Variants in POLA2 observed in about 807,000 individuals in gnomAD.
POLA2 encodes DNA polymerase alpha subunit B.
Under a neutral mutation model 82.8 loss-of-function variants are expected in POLA2, and 47 were observed. The ratio of observed to expected loss-of-function variants is 0.57; its 90% CI spans 0.45 to 0.72. The LOEUF (loss-of-function observed/expected upper bound fraction) is 0.72. POLA2 is among the 30% of genes least tolerant of loss of function. The pLI is 0.00. For synonymous variants in POLA2, 287 were observed against 286.8 expected (o/e 1.00, Z -0.01); for missense variants, 634 against 728.1 (o/e 0.87, Z 1.49).
chr11:65,296,948 C>CAAA (rs547282942), intron 17 of POLA2, among the ~76,000 whole-genome samples, 172 bp from the exon 18 acceptor site: 2 of 58,036 alleles, frequency 3.4e-5, no homozygotes, highest in African/African-American at 5.7e-5. Flanking sequence ...GACTCCATCT[C>CAAA]AAAAAAAAAA....
chr11:65,274,321 C>G (rs1565473586), intron 4 of POLA2, among the ~76,000 whole-genome samples: 1 of 151,116 alleles, frequency 6.6e-6, no homozygotes, highest in African/African-American at 2.4e-5. Context: ...GAGCCGAGAT[C>G]GCACATCGCA....
intron 1 of POLA2, among the ~76,000 whole-genome samples, chr11:65,265,333 A>G (rs1949447871): frequency 6.6e-6 from 1 of 152,150 alleles, no homozygotes; most frequent in Non-Finnish European, 1.5e-5. Context: ...GCTCTACTCA[A>G]GGTCACCAGT....
At chr11:65,305,508 T>A (rs750833287) in exon 9 of POLA2, 19 of 414,416 alleles carry the variant, frequency 4.6e-5, no homozygotes, top group South Asian at 2.6e-4. Flanking sequence ...CTGACAGAGC[T>A]GACAAAATGA....
chr11:65,304,073 A>G (rs1378459371), intron 8 of POLA2, among the ~76,000 whole-genome samples: 1 of 152,132 alleles, frequency 6.6e-6, no homozygotes, highest in East Asian at 1.9e-4. Flanking sequence ...TGCTGCACAG[A>G]GGAGGGGTCA....
chr11:65,297,462 C>G lies in POLA2; in HGVS notation c.*193C>G, dbSNP rs1458130722. 2 of 509,840 alleles carry G rather than the reference C, an allele frequency of 3.9e-6. No homozygotes were observed. Among genetic ancestry groups the G allele is most frequent in the East Asian group, 6.9e-5 (2 of 28,916 alleles). The allele number at this position is 509,840 out of a possible 1,614,324, so 31.6% of individuals were successfully genotyped here. A position where few individuals can be genotyped will look rare whatever the true frequency, so the allele number is the denominator to read the frequency against. On this transcript the variant is annotated 3_prime_UTR_variant, in exon 18 of 18. Coordinates refer to ENST00000265465, the MANE Select transcript of POLA2 (RefSeq NM_002689.4). ...GGGCCTGCCTCTGAGTGGTGCCTCTCCTGGAAGGAAGCTCTTGCTTCTCAG... is the reference window on the plus strand; with the variant it reads ...GGGCCTGCCTCTGAGTGGTGCCTCTGCTGGAAGGAAGCTCTTGCTTCTCAG...
At chr11:65,293,819 C>A (rs1949780594) in intron 13 of POLA2, among the ~76,000 whole-genome samples, 1 of 152,132 alleles carries the variant, frequency 6.6e-6, no homozygotes, top group African/African-American at 2.4e-5. Context: ...ACATCCTTGT[C>A]TTTCTAGACT....
At chr11:65,299,983 T>C (rs114220821), downstream of POLA2, among the ~76,000 whole-genome samples, 1,561 of 152,032 alleles carry the variant, frequency 0.01, 21 homozygotes, top group African/African-American at 0.035. Flanking sequence ...TGAGCCACCA[T>C]GCCCATTTTA....
In POLA2 at chr11:65,273,945, GC is replaced by G. The variant is rs1949548721; in HGVS notation, c.355-1945del. 2.6e-5 allele frequency among the ~76,000 whole-genome samples: 4 copies of G among 152,172 alleles called. No individual in the cohort carries two copies. The South Asian group carries it at 8.3e-4, about 32-fold the overall frequency. On this transcript the variant is annotated intron_variant, in intron 4 of 17. Coordinates refer to ENST00000265465, the MANE Select transcript of POLA2 (RefSeq NM_002689.4). The stretch of plus-strand genomic sequence containing the variant: ...TTTTTTTAATTTAAAATCTTAATTT[GC>G]CAAATCACTTTTCACCTGAGACTCA...
Position 65,276,007 on chromosome 11 carries a change from C to G in POLA2, c.461+9C>G. The G allele has an allele frequency of 6.5e-7, 1 of 1,533,890 alleles. No individual in the cohort carries two copies. Among genetic ancestry groups the G allele is most frequent in the Non-Finnish European group, 8.9e-7 (1 of 1,120,574 alleles). On this transcript the variant is annotated intron_variant, in intron 5 of 17. Transcript: ENST00000265465. ...TCAAGTTTCTCTCCAAGGTATGGAT[C>G]ATAATTCATTCAAGTGCCATAAAGC...
downstream of POLA2, among the ~76,000 whole-genome samples, chr11:65,301,233 G>T (rs548264212): frequency 6.6e-6 from 1 of 152,124 alleles, no homozygotes; most frequent in Admixed American, 6.6e-5. Context: ...TGATGGGCCC[G>T]GAATGGTGCT....
At chr11:65,288,887 C>T (rs371732347) in intron 11 of POLA2, among the ~76,000 whole-genome samples, 163 bp from the exon 12 acceptor site, 12 of 152,218 alleles carry the variant, frequency 7.9e-5, no homozygotes, top group East Asian at 1.9e-4. Context: ...ATTGGCTTGG[C>T]GCCCCGCCAG....
intron 17 of POLA2, chr11:65,296,575 T>G (rs1332752749): frequency 6.3e-6 from 1 of 158,876 alleles, no homozygotes; most frequent in Non-Finnish European, 1.4e-5. Flanking sequence ...AGGAGCTGAT[T>G]GTCATTCTGC....
chr11:65,262,239 G>T lies in POLA2; in HGVS notation c.-54G>T. The T allele has an allele frequency of 1.4e-6, 2 of 1,460,284 alleles. No homozygotes were observed. Among genetic ancestry groups the T allele is most frequent in the East Asian group, 2.3e-5 (1 of 42,734 alleles). 90.5% of individuals were successfully genotyped at this position (1,460,284 alleles called of 1,614,324 possible). On this transcript the variant is annotated 5_prime_UTR_variant, in exon 1 of 18. Coordinates refer to ENST00000265465, the MANE Select transcript of POLA2 (RefSeq NM_002689.4). ...CGCTCGCCACCCCCGTGGGCTTCTT[G>T]GGCGCAGGTCGGAGCTGGGTGGGCC...
At chr11:65,280,138 A>G (rs1231056884) in intron 7 of POLA2, 1 of 152,768 alleles carries the variant, frequency 6.5e-6, no homozygotes, top group South Asian at 2.1e-4. Context: ...AATATATTCT[A>G]GAAGTTTCTT....
At chr11:65,269,714 T>C (rs993053065) in intron 4 of POLA2, among the ~76,000 whole-genome samples, 1 of 152,238 alleles carries the variant, frequency 6.6e-6, no homozygotes, top group East Asian at 1.9e-4. Context: ...TAAATAAGTT[T>C]GTAGACATTC....
In POLA2 at chr11:65,298,370, G is replaced by A. The variant is rs984481552; in HGVS notation, c.*1101G>A. On this transcript the variant is annotated 3_prime_UTR_variant, in exon 18 of 18. Transcript: ENST00000265465. ...ACTCAGACAGGGTCAGGCCTTCCAG[G>A]GTTCACAGCACGTCCCATGCCCCTA... 1 of 152,326 alleles carries A rather than the reference G, an allele frequency of 6.6e-6. No individual in the cohort carries two copies. The highest frequency in any genetic ancestry group is 2.4e-5 in the African/African-American group (1 of 41,468). 9.4% of individuals were successfully genotyped at this position (152,326 alleles called of 1,614,324 possible).
chr11:65,266,602 T>G lies in POLA2; in HGVS notation c.100T>G (p.Tyr34Asp). The change falls in exon 2 of 18, where the codon TAT (tyrosine) becomes GAT (aspartate). Residue 34 changes from tyrosine to aspartate, a missense_variant. Tyr to Asp is a radical substitution (Grantham distance 160). Coordinates refer to ENST00000265465, the MANE Select transcript of POLA2 (RefSeq NM_002689.4). Reference sequence around the variant, plus strand: ...TACAGTGGTAGAGCTTTGTGTTCAGTATGGACAGAATGAGGAGGGAATGGT... The same window carrying G: ...TACAGTGGTAGAGCTTTGTGTTCAGGATGGACAGAATGAGGAGGGAATGGT... Reference protein sequence around the residue: ...IEKLVELCVQYGQNEEGMVGE... With the variant: ...IEKLVELCVQDGQNEEGMVGE... The G allele has an allele frequency of 6.2e-7, 1 of 1,614,122 alleles. No homozygotes were observed. The highest frequency in any genetic ancestry group is 8.5e-7 in the Non-Finnish European group (1 of 1,179,944).
chr11:65,295,450 C>A, intron 15 of POLA2, 90 bp from the exon 16 acceptor site: 1 of 1,168,768 alleles, frequency 8.6e-7, no homozygotes. Flanking sequence ...CATTTACCTT[C>A]TCTCTGGTTT....
At chr11:65,270,306 A>T (rs1330386277) in intron 4 of POLA2, among the ~76,000 whole-genome samples, 2 of 152,184 alleles carry the variant, frequency 1.3e-5, no homozygotes, top group Non-Finnish European at 2.9e-5. Flanking sequence ...CAGTGACCAG[A>T]GATCATGCCG....
Sources: gnomAD v4.1 joint callset for allele counts (sites outside exome capture counted in the v4.1 genomes callset) on GRCh38, gnomAD v4.1.1 for gene constraint, MANE v1.5 for transcripts, NCBI Gene and HGNC (gene_info 2026-07-23, HGNC 2026-07-21) for gene names.